The following CDH3 variants were observed in gnomAD, a reference collection of about 807,000 sequenced individuals.
CDH3 encodes the protein cadherin-3.
Under a neutral mutation model 82.0 loss-of-function variants are expected in CDH3, and 54 were observed. The ratio of observed to expected loss-of-function variants is 0.66; its 90% CI spans 0.53 to 0.83. The LOEUF (loss-of-function observed/expected upper bound fraction) is 0.83, where lower values mean the gene tolerates loss of function less well. CDH3 is among the 40% of genes least tolerant of loss of function. CDH3 has a pLI of 0.00. For synonymous variants in CDH3, 446 were observed against 437.9 expected, an observed-to-expected ratio of 1.02 and a Z score of -0.23; for missense variants, 1,054 against 1,084.6, an observed-to-expected ratio of 0.97 and a Z score of 0.40.
intron 1 of CDH3, among the ~76,000 whole-genome samples, chr16:68,721,197 G>T (rs1962159421): frequency 6.9e-6 from 1 of 145,504 alleles, no homozygotes. Context: ...GCATCTCAGT[G>T]TTCCTGGACC....
At chr16:68,662,711 AT>A (rs1960622424) in intron 2 of CDH3, among the ~76,000 whole-genome samples, 1 of 149,824 alleles carries the variant, frequency 6.7e-6, no homozygotes, top group Non-Finnish European at 1.5e-5. Context: ...CGCCCGGCTA[AT>A]TTTTTTTGTA....
Position 68,678,293 on chromosome 16 carries a change from C to T in CDH3, c.390+16C>T. The T allele has an allele frequency of 1.2e-6, 2 of 1,614,020 alleles. No homozygotes were observed. The highest frequency in any genetic ancestry group is 1.7e-6 in the Non-Finnish European group (2 of 1,179,884). On this transcript the variant is annotated intron_variant, in intron 4 of 15. Transcript: ENST00000264012. Reference sequence around the variant, plus strand: ...ACTGAATCAGGTACGACTGTGCCTTCTCCTGGGAAGCATTGGTGGCTCCAG... The same window carrying T: ...ACTGAATCAGGTACGACTGTGCCTTTTCCTGGGAAGCATTGGTGGCTCCAG...
intron 2 of CDH3, among the ~76,000 whole-genome samples, chr16:68,666,127 C>A (rs894873276): frequency 2.6e-5 from 4 of 151,974 alleles, no homozygotes; most frequent in Admixed American, 1.3e-4. Flanking sequence ...TCACCACTCA[C>A]TCTCCAGGCT....
chr16:68,724,345 A>G (rs1962196485), intron 2 of CDH3, among the ~76,000 whole-genome samples: 1 of 152,016 alleles, frequency 6.6e-6, no homozygotes, highest in Non-Finnish European at 1.5e-5. Flanking sequence ...ACAGCTGGGC[A>G]CATTGGCTCA....
chr16:68,724,694 G>A (rs1164809253), intron 2 of CDH3, among the ~76,000 whole-genome samples: 1 of 151,770 alleles, frequency 6.6e-6, no homozygotes, highest in Non-Finnish European at 1.5e-5. Context: ...GCCACCTCCT[G>A]GGATGTGATA....
intron 2 of CDH3, among the ~76,000 whole-genome samples, chr16:68,657,808 C>A (rs553922437): frequency 3.0e-4 from 46 of 152,310 alleles, no homozygotes; most frequent in African/African-American, 1.1e-3. Flanking sequence ...CAGTAGCCCC[C>A]CTTTTGTTGA....
intron 2 of CDH3, chr16:68,722,659 G>A (rs376655178): frequency 2.6e-5 from 4 of 152,160 alleles, no homozygotes; most frequent in African/African-American, 9.7e-5. Context: ...GATTTTCATG[G>A]TTTTAGCACT....
chr16:68,672,602 G>A (rs953812923), intron 2 of CDH3, among the ~76,000 whole-genome samples: 2 of 152,194 alleles, frequency 1.3e-5, no homozygotes, highest in Admixed American at 1.3e-4. Flanking sequence ...GGGACCCTCT[G>A]GAACTGAATC....
At chr16:68,659,579 CAA>C (rs548955678) in intron 2 of CDH3, among the ~76,000 whole-genome samples, 47 of 125,820 alleles carry the variant, frequency 3.7e-4, no homozygotes, top group Non-Finnish European at 3.7e-4. Context: ...GATGCTGTCT[CAA>C]AAAAAAAAAA....
intron 2 of CDH3, among the ~76,000 whole-genome samples, chr16:68,660,104 T>G (rs960754786): frequency 6.6e-6 from 1 of 152,102 alleles, no homozygotes; most frequent in African/African-American, 2.4e-5. Flanking sequence ...GCAATCTAAC[T>G]ATCAGTAATT....
chr16:68,729,723 C>T (rs2152112193), downstream of CDH3, among the ~76,000 whole-genome samples: 1 of 152,206 alleles, frequency 6.6e-6, no homozygotes, highest in African/African-American at 2.4e-5. Context: ...CCTCGACCTC[C>T]TGGGCTCAAG....
rs751062553 is a variant in CDH3 at position 68,684,586 on chromosome 16, T to A, written c.1186T>A (p.Leu396Met). Residue 396 changes from leucine to methionine, a missense_variant, in exon 10 of 16, where the codon TTG becomes ATG. Transcript: ENST00000264012. ...NQGILTTRKG[L>M]DFEAKNQHTL... The stretch of plus-strand genomic sequence containing the variant: ...CCTTCTTCCTCTTCTCTCCTAGGGT[T>A]TGGATTTTGAGGCCAAAAACCAGCA... The A allele has an allele frequency of 8.1e-6, 13 of 1,614,056 alleles. No homozygotes were observed. Among genetic ancestry groups the A allele is most frequent in the Non-Finnish European group, 1.1e-5 (13 of 1,180,036 alleles).
downstream of CDH3, among the ~76,000 whole-genome samples, chr16:68,730,190 A>ACG: frequency 6.8e-6 from 1 of 146,074 alleles, no homozygotes. Flanking sequence ...CTGAGATTGC[A>ACG]CCACTGCACT....
At chr16:68,671,006 G>A (rs1960870157) in intron 2 of CDH3, among the ~76,000 whole-genome samples, 1 of 152,134 alleles carries the variant, frequency 6.6e-6, no homozygotes, top group Non-Finnish European at 1.5e-5. Flanking sequence ...CCGGGAGGTG[G>A]AGGTTGCAGT....
At chr16:68,688,566 C>T (rs1434063309) in intron 12 of CDH3, among the ~76,000 whole-genome samples, 1 of 151,934 alleles carries the variant, frequency 6.6e-6, no homozygotes, top group Admixed American at 6.6e-5. Flanking sequence ...CCAGCCTGGA[C>T]AACAGAGTGA....
Position 68,716,917 on chromosome 16 carries a change from G to A in CDH3, c.100-5508G>A, listed in dbSNP as rs558105398. On this transcript the variant is annotated intron_variant, in intron 1 of 2. Transcript: ENST00000569080. ...TTTCTTTTTTTTTTTTTTTTAAGTA[G>A]AGACAGGGTCTCACTATGTTGTCCA... Among the ~76,000 whole-genome samples the A allele has an allele frequency of 4.7e-5, 7 of 148,016 alleles. No individual in the cohort carries two copies. The South Asian group carries it at 1.5e-3, about 32-fold the overall frequency.
chr16:68,697,536 G>A (rs527492569), intron 15 of CDH3, among the ~76,000 whole-genome samples: 6 of 152,226 alleles, frequency 3.9e-5, no homozygotes, highest in South Asian at 2.1e-4. Context: ...CCCTGCCTGC[G>A]TGTTGGAATC....
chr16:68,656,137 C>T (rs868559589), intron 2 of CDH3, among the ~76,000 whole-genome samples: 1 of 152,106 alleles, frequency 6.6e-6, no homozygotes, highest in African/African-American at 2.4e-5. Context: ...AGGCAGGGTC[C>T]AGCCCCGCTT....
At chr16:68,711,533 G>A (rs1456656281) in intron 1 of CDH3, among the ~76,000 whole-genome samples, 2 of 152,144 alleles carry the variant, frequency 1.3e-5, no homozygotes, top group Admixed American at 6.5e-5. Flanking sequence ...ACGCAGGGCT[G>A]GCTGCGCCCA....
Sources: allele counts gnomAD v4.1 joint callset (sites outside exome capture counted in the v4.1 genomes callset), GRCh38; gene constraint gnomAD v4.1.1; transcripts MANE v1.5; gene names NCBI Gene and HGNC (gene_info 2026-07-23, HGNC 2026-07-21).